Variants in PEX5 observed in about 807,000 individuals in gnomAD.
The protein encoded by PEX5 is peroxisomal biogenesis factor 5.
In PEX5, 52 loss-of-function variants were observed where a neutral mutation model predicts 82.9. The observed-to-expected ratio is 0.63, with a 90% confidence interval of 0.50 to 0.79. The LOEUF is 0.79. Among genes scored for constraint, PEX5 ranks in the 30% least tolerant of loss-of-function variants. The pLI is 0.00. For missense variants in PEX5, 719 were observed against 815.2 expected (o/e 0.88, Z 1.44); for synonymous variants, 300 against 318.8 (o/e 0.94, Z 0.63).
At chr12:7,208,730 G>T in intron 13 of PEX5, 61 bp downstream of exon 13, 2 of 1,444,678 alleles carry the variant, frequency 1.4e-6, no homozygotes. Flanking sequence ...GTAGGAGGGT[G>T]ACCTTGGTTT....
Position 7,197,216 on chromosome 12 carries a change from G to GTAATTATATATGTCATATGTAATGTAA in PEX5, c.449-1772_449-1771insGTAATAATTATATATGTCATATGTAAT. ...TGTAATTATATATGTCATATATAAT[G>GTAATTATATATGTCATATGTAATGTAA]TAATTATATATGTCATATGTAATAA... is the stretch of plus-strand genomic sequence containing the variant. On this transcript the variant is annotated intron_variant, in intron 5 of 15. Transcript: ENST00000675855. 7.7e-4 allele frequency among the ~76,000 whole-genome samples: 12 copies of GTAATTATATATGTCATATGTAATGTAA among 15,592 alleles called. 3 individuals carry two copies. The highest frequency in any genetic ancestry group is 1.1e-3 in the African/African-American group (7 of 6,282). 10.2% of individuals were successfully genotyped at this position (15,592 alleles called of 152,430 possible).
rs2136159396 is a variant in PEX5 at position 7,202,695 on chromosome 12, A to G, written c.837A>G (p.Ser279=). ...ATATGGAGTTTGAACGAGCCAAGTC[A>G]GCTATAGAGGTGAGAGCAGATAGTG... is the stretch of plus-strand genomic sequence containing the variant. ...ALDMEFERAK[S]AIESDVDFWD... Residue 279 remains serine (S), a synonymous_variant, in exon 9 of 16, where the codon TCA becomes TCG. Transcript: ENST00000675855. The G allele has an allele frequency of 6.2e-7, 1 of 1,613,072 alleles. No homozygotes were observed. Among genetic ancestry groups the G allele is most frequent in the Non-Finnish European group, 8.5e-7 (1 of 1,178,980 alleles).
rs769812455 is a variant in PEX5 at position 7,210,968 on chromosome 12, A to C, written c.*745A>C. 1.3e-5 allele frequency: 2 copies of C among 157,298 alleles called. No individual in the cohort carries two copies. Among genetic ancestry groups the C allele is most frequent in the Non-Finnish European group, 2.8e-5 (2 of 70,728 alleles). 9.7% of individuals were successfully genotyped at this position (157,298 alleles called of 1,614,324 possible). On this transcript the variant is annotated 3_prime_UTR_variant, in exon 16 of 16. Transcript: ENST00000675855. ...GCGGGGAGGGACTAGATCAGAAGAGATCAAGGGCTCTATTCAGGAACGTTG... is the reference window on the plus strand; with the variant it reads ...GCGGGGAGGGACTAGATCAGAAGAGCTCAAGGGCTCTATTCAGGAACGTTG...
chr12:7,203,296 A>T lies in PEX5; in HGVS notation c.847-136A>T, dbSNP rs1273070704. The stretch of plus-strand genomic sequence containing the variant: ...GATAGCATCTGGCCATTTGCATTTT[A>T]AAAAACTTATTCAGATGATTCTTAA... On this transcript the variant is annotated intron_variant, in intron 9 of 15. Coordinates refer to ENST00000675855, the MANE Select transcript of PEX5 (RefSeq NM_001351132.2). The T allele has an allele frequency of 1.8e-5, 19 of 1,059,328 alleles. No homozygotes were observed. The East Asian group carries it at 3.2e-4, about 18-fold the overall frequency. The allele number at this position is 1,059,328 out of a possible 1,614,324, so 65.6% of individuals were successfully genotyped here.
chr12:7,207,574 C>T (rs1218177516), intron 10 of PEX5, 85 bp from the exon 11 acceptor site: 3 of 1,403,778 alleles, frequency 2.1e-6, no homozygotes, highest in Admixed American at 3.3e-5. Context: ...CCCTCAGCTT[C>T]TCTGCCTGCT....
upstream of PEX5, chr12:7,189,663 C>T (rs1230733467): frequency 8.5e-6 from 3 of 351,656 alleles, no homozygotes; most frequent in Non-Finnish European, 1.5e-5. Flanking sequence ...AAGCCTGAGC[C>T]CCGCCCCCTG....
intron 6 of PEX5, among the ~76,000 whole-genome samples, 174 bp from the exon 7 acceptor site, chr12:7,201,577 C>A (rs1220305373): frequency 1.3e-5 from 2 of 152,172 alleles, no homozygotes; most frequent in Non-Finnish European, 2.9e-5. Flanking sequence ...GTAGCTAGTA[C>A]TTTCACACTC....
At chr12:7,215,769 A>G (rs1442683234), downstream of PEX5, among the ~76,000 whole-genome samples, 2 of 151,960 alleles carry the variant, frequency 1.3e-5, no homozygotes, top group African/African-American at 2.4e-5. Flanking sequence ...AGGTTGAAAA[A>G]CTGTTGGGTA....
At chr12:7,207,314 A>G (rs1472830346) in intron 10 of PEX5, among the ~76,000 whole-genome samples, 1 of 152,222 alleles carries the variant, frequency 6.6e-6, no homozygotes, top group East Asian at 1.9e-4. Context: ...TCTCATTACT[A>G]TAAGCAGATC....
At chr12:7,216,641 T>C (rs909660109) in intron 17 of PEX5, among the ~76,000 whole-genome samples, 1 of 152,212 alleles carries the variant, frequency 6.6e-6, no homozygotes, top group African/African-American at 2.4e-5. Context: ...TGTAACTATA[T>C]ATTTGAATGA....
intron 10 of PEX5, 34 bp downstream of exon 10, chr12:7,203,585 G>C (rs1329355516): frequency 1.2e-6 from 2 of 1,601,390 alleles, no homozygotes; most frequent in South Asian, 1.1e-5. Flanking sequence ...TCAGGTTCCA[G>C]AACTTCCTTC....
At position 7,203,537 on chromosome 12, in the gene PEX5, G is replaced by A. The variant is rs1944404871; in HGVS notation, c.952G>A (p.Ala318Thr). ...TTCTGACTATGATGACCTTACGTCA[G>A]CTACCTATGATAAGGTGAGGTAAAA... ...WLSDYDDLTS[A>T]TYDKGYQFEE... Residue 318 changes from alanine to threonine, a missense_variant, in exon 10 of 16, where the codon GCT becomes ACT. Ala to Thr is a moderately conservative substitution (Grantham distance 58). Coordinates refer to ENST00000675855, the MANE Select transcript of PEX5 (RefSeq NM_001351132.2). 2 of 1,613,918 alleles carry A rather than the reference G, an allele frequency of 1.2e-6. No homozygotes were observed. Among genetic ancestry groups the A allele is most frequent in the African/African-American group, 2.7e-5 (2 of 75,032 alleles).
chr12:7,207,388 T>A (rs971721979), intron 10 of PEX5, among the ~76,000 whole-genome samples: 1 of 152,182 alleles, frequency 6.6e-6, no homozygotes, highest in Non-Finnish European at 1.5e-5. Context: ...TGTGATGACT[T>A]CCTAAAATAA....
At chr12:7,197,450 TATA>T (rs1942913211) in intron 5 of PEX5, among the ~76,000 whole-genome samples, 1 of 112,730 alleles carries the variant, frequency 8.9e-6, no homozygotes, top group Admixed American at 1.2e-4. Context: ...TTATGTTATA[TATA>T]ATGTAATAAT....
intron 6 of PEX5, among the ~76,000 whole-genome samples, chr12:7,201,114 A>C (rs1201885106): frequency 6.6e-6 from 1 of 151,248 alleles, no homozygotes; most frequent in Non-Finnish European, 1.5e-5. Flanking sequence ...TAAAAAACCA[A>C]AAGCGCATGC....
chr12:7,210,080 C>T lies in PEX5; in HGVS notation c.1777C>T (p.Arg593Trp), dbSNP rs144333076. Residue 593 changes from arginine to tryptophan, a missense_variant, in exon 16 of 16, where the codon CGG becomes TGG. By Grantham distance (101) the Arg-to-Trp change is moderately radical. Coordinates refer to ENST00000675855, the MANE Select transcript of PEX5 (RefSeq NM_001351132.2). ...CATGCAGAGGAAAAGCCGGGGCCCCCGGGGTGAAGGAGGTGCCATGTCGGA... is the reference window on the plus strand; with the variant it reads ...CATGCAGAGGAAAAGCCGGGGCCCCTGGGGTGAAGGAGGTGCCATGTCGGA... ...LNMQRKSRGPRGEGGAMSENI... is the reference protein window; with the variant it reads ...LNMQRKSRGPWGEGGAMSENI... 36 of 1,614,110 alleles carry T rather than the reference C, an allele frequency of 2.2e-5. No individual in the cohort carries two copies. The highest frequency in any genetic ancestry group is 8.0e-5 in the African/African-American group (6 of 74,930).
At chr12:7,195,018 G>C (rs930232675) in intron 5 of PEX5, among the ~76,000 whole-genome samples, 1 of 152,200 alleles carries the variant, frequency 6.6e-6, no homozygotes, top group African/African-American at 2.4e-5. Context: ...TAACTAGTCT[G>C]AAGATGCACA....
At chr12:7,200,601 T>C (rs1264148405) in intron 6 of PEX5, among the ~76,000 whole-genome samples, 1 of 152,070 alleles carries the variant, frequency 6.6e-6, no homozygotes, top group Non-Finnish European at 1.5e-5. Context: ...CTGGGCACCA[T>C]TGAGCACTGA....
chr12:7,216,335 AACTT>A (rs143516412), downstream of PEX5, among the ~76,000 whole-genome samples: 690 of 152,274 alleles, frequency 4.5e-3, 7 homozygotes, highest in African/African-American at 0.015. Flanking sequence ...AGGTAATAAC[AACTT>A]ACTTTATCTC....
Sources: gnomAD v4.1 joint callset for allele counts (sites outside exome capture counted in the v4.1 genomes callset) on GRCh38, gnomAD v4.1.1 for gene constraint, MANE v1.5 for transcripts, NCBI Gene and HGNC (gene_info 2026-07-23, HGNC 2026-07-21) for gene names.